Variants in RTN4 observed in about 807,000 individuals in gnomAD.
RTN4 encodes reticulon-4.
In RTN4, 32 loss-of-function variants were observed where a neutral mutation model predicts 90.4. That is an observed-to-expected ratio of 0.35 (90% CI 0.27 to 0.48). The LOEUF (loss-of-function observed/expected upper bound fraction) is 0.48. Among genes scored for constraint, RTN4 ranks in the 20% least tolerant of loss-of-function variants. The probability of loss-of-function intolerance (pLI) is 0.99; values close to 1 mark genes in which losing one functional copy is unlikely to be tolerated. For missense variants in RTN4, 1,706 were observed against 1,430.2 expected (o/e 1.19, Z -3.11); for synonymous variants, 629 against 552.5 (o/e 1.14, Z -1.94).
At chr2:55,025,052 A>T in intron 3 of RTN4, 34 bp downstream of exon 3, 1 of 1,551,362 alleles carries the variant, frequency 6.4e-7, no homozygotes, top group Non-Finnish European at 8.7e-7. Context: ...CAAAAGTGGC[A>T]TGAAAGCACA....
the RTN4 span, among the ~76,000 whole-genome samples, chr2:55,119,633 T>A: frequency 6.6e-6 from 1 of 152,320 alleles, no homozygotes; most frequent in South Asian, 2.1e-4. Context: ...GGAATCTCGC[T>A]TAGCCATAGT....
Position 55,068,994 on chromosome 2 carries a change from A to G in RTN4, c.-63+11495T>C, listed in dbSNP as rs142154748. ...TTGTGCCAAGGCACCCAAAGTTCGC[A>G]TCACCATTGCTTCTGCATCATCAGT... On this transcript the variant is annotated intron_variant, in intron 2 of 3. Transcript: ENST00000427710. Among the ~76,000 whole-genome samples the G allele has an allele frequency of 1.5e-4, 23 of 152,384 alleles. 1 individual carries two copies. The East Asian group carries it at 4.4e-3, about 29-fold the overall frequency.
chr2:55,087,007 T>C (rs1399496462), intron 1 of RTN4, among the ~76,000 whole-genome samples: 2 of 152,178 alleles, frequency 1.3e-5, no homozygotes, highest in African/African-American at 4.8e-5. Flanking sequence ...TGCTTTTTGA[T>C]ATCTGGGCTC....
chr2:55,060,065 G>C (rs1483461856), intron 2 of RTN4, among the ~76,000 whole-genome samples: 1 of 152,156 alleles, frequency 6.6e-6, no homozygotes, highest in Non-Finnish European at 1.5e-5. Flanking sequence ...CAGTCAGCCA[G>C]TGGGTGTCTT....
In RTN4 at chr2:54,982,667, C is replaced by A; in HGVS notation, c.3222-14G>T. 6.3e-7 allele frequency: 1 copy of A among 1,597,414 alleles called. No individual in the cohort carries two copies. The highest frequency in any genetic ancestry group is 8.5e-7 in the Non-Finnish European group (1 of 1,173,834). On this transcript the variant is annotated splice_polypyrimidine_tract_variant and intron_variant, in intron 4 of 8. Coordinates refer to ENST00000337526, the MANE Select transcript of RTN4 (RefSeq NM_020532.5). ...TCCAGATATGCCCTAGAAAACAAAACACATCATAATTGTCACTAATTGGAG... is the reference window on the plus strand; with the variant it reads ...TCCAGATATGCCCTAGAAAACAAAAAACATCATAATTGTCACTAATTGGAG...
chr2:55,088,389 G>A (rs750138793), intron 1 of RTN4, among the ~76,000 whole-genome samples: 2 of 152,216 alleles, frequency 1.3e-5, no homozygotes, highest in Non-Finnish European at 2.9e-5. Flanking sequence ...TCTATTAACT[G>A]TTAGGGATTT....
intron 2 of RTN4, among the ~76,000 whole-genome samples, chr2:55,057,280 T>C (rs531398872): frequency 6.6e-6 from 1 of 152,208 alleles, no homozygotes; most frequent in Non-Finnish European, 1.5e-5. Flanking sequence ...GCGGATTTTT[T>C]GGAGGAGCTG....
At chr2:55,046,040 C>G (rs1466772104) in intron 1 of RTN4, among the ~76,000 whole-genome samples, 2 of 152,154 alleles carry the variant, frequency 1.3e-5, no homozygotes, top group African/African-American at 2.4e-5. Flanking sequence ...CAACAGCAAA[C>G]AGTAAAATTA....
At chr2:54,994,192 GA>G (rs1679239307) in intron 3 of RTN4, among the ~76,000 whole-genome samples, 1 of 152,172 alleles carries the variant, frequency 6.6e-6, no homozygotes, top group Non-Finnish European at 1.5e-5. Context: ...TGGTCAACAA[GA>G]GAATTATTAG....
At chr2:55,042,032 G>T (rs1683109961) in intron 1 of RTN4, among the ~76,000 whole-genome samples, 1 of 151,938 alleles carries the variant, frequency 6.6e-6, no homozygotes, top group Non-Finnish European at 1.5e-5. Context: ...AAACCCAAAA[G>T]AATAGGCAAA....
chr2:54,974,021 G>T, intron 6 of RTN4, 154 bp from the exon 7 acceptor site: 1 of 613,562 alleles, frequency 1.6e-6, no homozygotes, highest in East Asian at 2.9e-5. Context: ...ATCTGCTGTT[G>T]AGGAGCCACT....
At position 55,010,202 on chromosome 2, in the gene RTN4, C is replaced by T. The variant is rs1573372438; in HGVS notation, c.3013+14884G>A. 9 of 1,601,370 alleles carry T rather than the reference C, an allele frequency of 5.6e-6. No individual in the cohort carries two copies. In the East Asian group the frequency reaches 1.8e-4, roughly 32 times the overall value. On this transcript the variant is annotated intron_variant, in intron 3 of 8. Transcript: ENST00000337526. ...AGCTGTAACTGCACAAACCTACTCC[C>T]TGAGACATGAAATACCCGTTTCCTC...
intron 2 of RTN4, among the ~76,000 whole-genome samples, chr2:55,076,097 A>C (rs925765857): frequency 2.0e-5 from 3 of 152,194 alleles, no homozygotes; most frequent in Non-Finnish European, 2.9e-5. Flanking sequence ...ATTAAATTTA[A>C]AAAAGCTCCT....
chr2:55,081,886 T>C (rs538697689), intron 1 of RTN4, among the ~76,000 whole-genome samples: 1 of 130,254 alleles, frequency 7.7e-6, no homozygotes, highest in Admixed American at 7.8e-5. Context: ...AAAAAATGAG[T>C]GAGAGAGAGA....
chr2:55,070,171 T>A (rs192016366), intron 2 of RTN4, among the ~76,000 whole-genome samples: 43 of 152,138 alleles, frequency 2.8e-4, no homozygotes, highest in Admixed American at 1.6e-3. Context: ...GGCTGTCTTG[T>A]GCATTCTAGG....
Position 54,987,456 on chromosome 2 carries a change from T to C in RTN4, c.3221+35A>G, listed in dbSNP as rs191166747. 437 of 1,395,156 alleles carry C rather than the reference T, an allele frequency of 3.1e-4. No individual in the cohort carries two copies. In the African/African-American group the frequency reaches 5.6e-3, roughly 18 times the overall value. 86.4% of individuals were successfully genotyped at this position (1,395,156 alleles called of 1,614,324 possible). ...CTTAATACCAATCCTGTTTACACTA[T>C]TGCCAATGCATGCCTTGTTTTCCAG... is the stretch of plus-strand genomic sequence containing the variant. On this transcript the variant is annotated intron_variant, in intron 4 of 8. Transcript: ENST00000337526.
At chr2:55,075,420 A>G (rs568870633) in intron 2 of RTN4, among the ~76,000 whole-genome samples, 1 of 152,338 alleles carries the variant, frequency 6.6e-6, no homozygotes, top group East Asian at 1.9e-4. Context: ...ATTACAAAAC[A>G]CTGCTGAAAT....
At chr2:54,999,188 G>A (rs552904229) in intron 3 of RTN4, among the ~76,000 whole-genome samples, 1 of 152,148 alleles carries the variant, frequency 6.6e-6, no homozygotes, top group East Asian at 1.9e-4. Context: ...GTGTGTAATA[G>A]CATCTTTATC....
intron 3 of RTN4, among the ~76,000 whole-genome samples, chr2:54,995,753 C>T (rs1398404348): frequency 6.6e-6 from 1 of 152,088 alleles, no homozygotes; most frequent in Non-Finnish European, 1.5e-5. Context: ...AACTGATACA[C>T]ACCAGTGAAC....
Sources: allele counts gnomAD v4.1 joint callset (sites outside exome capture counted in the v4.1 genomes callset), GRCh38; gene constraint gnomAD v4.1.1; transcripts MANE v1.5; gene names NCBI Gene and HGNC (gene_info 2026-07-23, HGNC 2026-07-21).